SIPA1L3: variants seen among roughly 807,000 people sequenced by gnomAD.
The protein encoded by SIPA1L3 is signal-induced proliferation-associated 1-like protein 3.
SIPA1L3 carries 59 observed loss-of-function variants against 150.1 expected under a neutral mutation model. The observed-to-expected ratio is 0.39, with a 90% confidence interval of 0.32 to 0.49. SIPA1L3 has a LOEUF of 0.49. Among genes scored for constraint, SIPA1L3 ranks in the 20% least tolerant of loss-of-function variants. SIPA1L3 has a pLI of 0.86. For synonymous variants in SIPA1L3, 1,070 were observed against 1,077.6 expected (o/e 0.99, Z 0.14); for missense variants, 2,211 against 2,489.5 (o/e 0.89, Z 2.38).
chr19:37,930,868 C>T (rs563858734), intron 1 of SIPA1L3, among the ~76,000 whole-genome samples: 2 of 148,968 alleles, frequency 1.3e-5, no homozygotes, highest in South Asian at 2.2e-4. Flanking sequence ...CAAAGCAGCA[C>T]TCATACAATA....
chr19:38,110,860 G>T (rs1295061434), intron 8 of SIPA1L3, among the ~76,000 whole-genome samples: 1 of 152,006 alleles, frequency 6.6e-6, no homozygotes, highest in Non-Finnish European at 1.5e-5. Flanking sequence ...TTGGAGTCGT[G>T]TGCCTGTCCT....
intron 2 of SIPA1L3, among the ~76,000 whole-genome samples, chr19:38,075,254 C>T (rs552534718): frequency 6.0e-5 from 9 of 149,616 alleles, no homozygotes; most frequent in Non-Finnish European, 8.9e-5. Context: ...GTTGGGAGTT[C>T]GAGACCAGCC....
At chr19:38,089,120 G>A (rs535604442) in intron 4 of SIPA1L3, among the ~76,000 whole-genome samples, 12 of 152,086 alleles carry the variant, frequency 7.9e-5, no homozygotes, top group African/African-American at 2.9e-4. Flanking sequence ...AAGAGTTCAA[G>A]ACCAGCCTGA....
Position 38,068,242 on chromosome 19 carries a change from G to C in SIPA1L3, c.-310-13014G>C, listed in dbSNP as rs1969641190. On this transcript the variant is annotated intron_variant, in intron 2 of 21. Transcript: ENST00000222345. ...GACGGGGTTTCACCGTGTTAGCCAG[G>C]ATGGTCTCGATCTCCTGACCTCGTG... Among the ~76,000 whole-genome samples, 2 of 151,744 alleles carry C rather than the reference G, an allele frequency of 1.3e-5. 1 individual carries two copies. The highest frequency in any genetic ancestry group is 1.3e-4 in the Admixed American group (2 of 15,226).
chr19:38,063,398 C>T (rs192596391), intron 2 of SIPA1L3, among the ~76,000 whole-genome samples: 13 of 152,288 alleles, frequency 8.5e-5, no homozygotes, highest in African/African-American at 3.1e-4. Context: ...TTAGGATAAG[C>T]AGAGCCGGAG....
intron 1 of SIPA1L3, among the ~76,000 whole-genome samples, chr19:38,001,039 C>CATATATCACACATATATATATATCACAT (rs1967794681): frequency 6.7e-6 from 1 of 150,288 alleles, no homozygotes; most frequent in Non-Finnish European, 1.5e-5. Context: ...ATATATCACA[C>CATATATCACACATATATATATATCACAT]ATATATCACA....
intron 12 of SIPA1L3, among the ~76,000 whole-genome samples, chr19:38,143,775 G>T (rs534646739): frequency 1.3e-5 from 2 of 152,138 alleles, no homozygotes; most frequent in South Asian, 4.2e-4. Context: ...CTGGCCTCAA[G>T]CGATCCGCCT....
In SIPA1L3 at chr19:38,141,368, C is replaced by T; in HGVS notation, c.3328C>T (p.Leu1110=). 6.2e-7 allele frequency: 1 copy of T among 1,613,946 alleles called. No individual in the cohort carries two copies. The highest frequency in any genetic ancestry group is 8.5e-7 in the Non-Finnish European group (1 of 1,180,024). The part of the protein sequence containing the change: ...TPTTPGHAQS[L]SRPLKQTPIV... Reference sequence around the variant, plus strand: ...AACCACTCCCGGCCATGCCCAGTCCCTGAGCCGGCCCCTGAAGCAGACCCC... The same window carrying T: ...AACCACTCCCGGCCATGCCCAGTCCTTGAGCCGGCCCCTGAAGCAGACCCC... Residue 1110 remains leucine, a synonymous_variant, in exon 11 of 22, where the codon CTG becomes TTG. Coordinates refer to ENST00000222345, the MANE Select transcript of SIPA1L3 (RefSeq NM_015073.3).
At chr19:37,960,873 T>TA (rs1011051615) in intron 1 of SIPA1L3, among the ~76,000 whole-genome samples, 3 of 149,454 alleles carry the variant, frequency 2.0e-5, no homozygotes, top group African/African-American at 7.4e-5. Flanking sequence ...AAAAAATATA[T>TA]TTTTTTTTGT....
At chr19:38,172,228 C>T (rs1169120783) in intron 15 of SIPA1L3, among the ~76,000 whole-genome samples, 1 of 152,144 alleles carries the variant, frequency 6.6e-6, no homozygotes, top group Non-Finnish European at 1.5e-5. Flanking sequence ...GCCAGCAAGC[C>T]ATGTGAGAGT....
intron 1 of SIPA1L3, chr19:37,907,874 A>G (rs2046348024): frequency 6.6e-6 from 1 of 152,254 alleles, no homozygotes; most frequent in Admixed American, 6.5e-5. Context: ...AATGCAGGCT[A>G]GCTGCTGTTA....
At chr19:38,043,292 A>G (rs1259220099) in intron 2 of SIPA1L3, among the ~76,000 whole-genome samples, 2 of 152,210 alleles carry the variant, frequency 1.3e-5, no homozygotes, top group East Asian at 1.9e-4. Flanking sequence ...GTGAGCTGAG[A>G]TCACACCACT....
At chr19:38,039,010 A>G (rs1186648627) in intron 2 of SIPA1L3, among the ~76,000 whole-genome samples, 3 of 152,054 alleles carry the variant, frequency 2.0e-5, no homozygotes, top group African/African-American at 7.2e-5. Flanking sequence ...CAGCCTCCTG[A>G]GTAGCTGGAC....
chr19:38,067,886 G>C (rs550665500), intron 2 of SIPA1L3, among the ~76,000 whole-genome samples: 1 of 152,326 alleles, frequency 6.6e-6, no homozygotes, highest in East Asian at 1.9e-4. Context: ...GTGGAGCAGA[G>C]TCTCTGCCAT....
intron 15 of SIPA1L3, among the ~76,000 whole-genome samples, chr19:38,180,976 T>C (rs1200863574): frequency 1.3e-5 from 2 of 152,220 alleles, no homozygotes; most frequent in African/African-American, 2.4e-5. Flanking sequence ...TTTCTTCAAA[T>C]ATTTTTTCTG....
chr19:38,091,754 T>C (rs560316353), intron 4 of SIPA1L3, among the ~76,000 whole-genome samples: 1 of 152,292 alleles, frequency 6.6e-6, no homozygotes, highest in African/African-American at 2.4e-5. Context: ...TTTGTGTTTT[T>C]GTTCGTAATG....
intron 1 of SIPA1L3, among the ~76,000 whole-genome samples, chr19:38,005,387 G>A (rs1967917047): frequency 6.6e-6 from 1 of 151,504 alleles, no homozygotes; most frequent in Non-Finnish European, 1.5e-5. Context: ...TGTGCACTGC[G>A]CTCCAGCTGC....
rs150910586 is a variant in SIPA1L3, at chr19:38,163,029, T to G, written c.3780+658T>G. On this transcript the variant is annotated intron_variant, in intron 14 of 21. Transcript: ENST00000222345. ...GGAGGAGATGGTTTGCAGGGGCTCT[T>G]GGCAATCTCTTTGTATCCATTCGTT... Among the ~76,000 whole-genome samples the G allele has an allele frequency of 1.2e-3, 184 of 152,264 alleles. 1 individual carries two copies. The highest frequency in any genetic ancestry group is 4.3e-3 in the African/African-American group (179 of 41,562).
At chr19:37,932,701 T>A (rs1478913016) in intron 1 of SIPA1L3, 1 of 152,246 alleles carries the variant, frequency 6.6e-6, no homozygotes, top group Non-Finnish European at 1.5e-5. Flanking sequence ...AGGTGAGCGA[T>A]ATTCATTAAA....
Sources: gnomAD v4.1 joint callset for allele counts (sites outside exome capture counted in the v4.1 genomes callset) on GRCh38, gnomAD v4.1.1 for gene constraint, MANE v1.5 for transcripts, NCBI Gene and HGNC (gene_info 2026-07-23, HGNC 2026-07-21) for gene names.